Variants in ARHGAP12 observed in about 807,000 individuals in gnomAD.
The protein encoded by ARHGAP12 is Rho GTPase activating protein 12, also known as rho GTPase-activating protein 12.
Under a neutral mutation model 108.6 loss-of-function variants are expected in ARHGAP12, and 64 were observed. The ratio of observed to expected loss-of-function variants is 0.59; its 90% CI spans 0.48 to 0.73. ARHGAP12 has a LOEUF of 0.73. Ranked by LOEUF, ARHGAP12 falls within the 30% of genes least tolerant of loss-of-function variation. The pLI, the probability that ARHGAP12 is intolerant of heterozygous loss-of-function variation, is 0.00. For missense variants in ARHGAP12, 940 were observed against 1,005.9 expected (o/e 0.93, Z 0.89); for synonymous variants, 312 against 337.2 (o/e 0.93, Z 0.82).
At chr10:31,822,775 C>A (rs1463836013) in intron 11 of ARHGAP12, among the ~76,000 whole-genome samples, 11 of 151,938 alleles carry the variant, frequency 7.2e-5, no homozygotes, top group Non-Finnish European at 1.5e-4. Context: ...CCTGCCTTTC[C>A]CTTCCTCTAG....
chr10:31,881,184 A>T (rs1423851373), intron 3 of ARHGAP12, among the ~76,000 whole-genome samples: 1 of 152,084 alleles, frequency 6.6e-6, no homozygotes, highest in African/African-American at 2.4e-5. Flanking sequence ...AACTTACCAC[A>T]TCAGTTTTCC....
chr10:31,906,369 T>G (rs533384704), intron 3 of ARHGAP12, among the ~76,000 whole-genome samples: 1 of 152,182 alleles, frequency 6.6e-6, no homozygotes, highest in Non-Finnish European at 1.5e-5. Context: ...TCAAGAACCG[T>G]GACCCCAATT....
intron 6 of ARHGAP12, among the ~76,000 whole-genome samples, chr10:31,847,536 T>C (rs908838408): frequency 6.6e-6 from 1 of 152,232 alleles, no homozygotes; most frequent in African/African-American, 2.4e-5. Flanking sequence ...GTTGTTTTCA[T>C]GCATAGGCCA....
chr10:31,812,615 T>C, intron 15 of ARHGAP12, 92 bp downstream of exon 15: 1 of 781,048 alleles, frequency 1.3e-6, no homozygotes, highest in Non-Finnish European at 2.1e-6. Context: ...ATAATATTCT[T>C]ACTGTTTGAA....
At chr10:31,835,243 T>C (rs907799698) in intron 9 of ARHGAP12, among the ~76,000 whole-genome samples, 2 of 151,948 alleles carry the variant, frequency 1.3e-5, no homozygotes, top group African/African-American at 4.8e-5. Flanking sequence ...AGATTTTTAT[T>C]TCATACTATT....
intron 3 of ARHGAP12, among the ~76,000 whole-genome samples, chr10:31,872,880 T>TA (rs1837594188): frequency 6.6e-6 from 1 of 152,218 alleles, no homozygotes; most frequent in South Asian, 2.1e-4. Context: ...ATTCTATTAT[T>TA]AATGCATACC....
chr10:31,812,342 G>A (rs1835053913), intron 15 of ARHGAP12, among the ~76,000 whole-genome samples: 1 of 151,906 alleles, frequency 6.6e-6, no homozygotes, highest in South Asian at 2.1e-4. Context: ...AAAATTATTT[G>A]TTCATTTTTC....
chr10:31,849,727 AAGC>A (rs1237391392), intron 6 of ARHGAP12, among the ~76,000 whole-genome samples: 1 of 152,212 alleles, frequency 6.6e-6, no homozygotes. Context: ...ACTTTATGCT[AAGC>A]AGCAAATGGC....
chr10:31,920,082 G>C (rs1033241919), intron 1 of ARHGAP12, among the ~76,000 whole-genome samples: 2 of 151,162 alleles, frequency 1.3e-5, no homozygotes, highest in African/African-American at 4.9e-5. Flanking sequence ...CTCCAGCCTG[G>C]GTGACAGAGC....
rs147064712 is a variant in ARHGAP12, at chr10:31,897,698, T to C, written c.684+10474A>G. Among the ~76,000 whole-genome samples the C allele has an allele frequency of 9.2e-5, 14 of 152,246 alleles. No homozygotes were observed. The East Asian group carries it at 2.5e-3, about 27-fold the overall frequency. On this transcript the variant is annotated intron_variant, in intron 3 of 19. Coordinates refer to ENST00000344936, the MANE Select transcript of ARHGAP12 (RefSeq NM_018287.7). ...ACTTCAGTTCCTATCACCTGATATA[T>C]GGTGTCTGGCTTTCAACCAAAAATT... is the stretch of plus-strand genomic sequence containing the variant.
rs1834903924 is a variant in ARHGAP12 at position 31,808,556 on chromosome 10, G to A, written c.2366+93C>T. 18 of 1,056,198 alleles carry A rather than the reference G, an allele frequency of 1.7e-5. No homozygotes were observed. In the South Asian group the frequency reaches 2.5e-4, roughly 15 times the overall value. 65.4% of individuals were successfully genotyped at this position (1,056,198 alleles called of 1,614,324 possible). On this transcript the variant is annotated intron_variant, in intron 19 of 19. Transcript: ENST00000344936. ...CAAAGACAGCAAGTAGCATAGCTGG[G>A]ATCCAAATCTGAGTCTGAGTGACCC... is the stretch of plus-strand genomic sequence containing the variant.
intron 3 of ARHGAP12, among the ~76,000 whole-genome samples, chr10:31,875,927 C>A (rs576314722): frequency 6.6e-6 from 1 of 152,316 alleles, no homozygotes; most frequent in African/African-American, 2.4e-5. Flanking sequence ...TGGAATTATA[C>A]AGTATTTGTC....
chr10:31,903,169 A>G (rs1186771149), intron 3 of ARHGAP12, among the ~76,000 whole-genome samples: 2 of 152,222 alleles, frequency 1.3e-5, no homozygotes, highest in Non-Finnish European at 2.9e-5. Flanking sequence ...GTTCTTACAC[A>G]AAACGAGATG....
Position 31,855,349 on chromosome 10 carries a change from A to C in ARHGAP12, c.949-1143T>G, listed in dbSNP as rs114575872. Among the ~76,000 whole-genome samples, 1,130 of 152,286 alleles carry C rather than the reference A, an allele frequency of 7.4e-3. 14 individuals carry two copies. The highest frequency in any genetic ancestry group is 0.026 in the African/African-American group (1,086 of 41,558). On this transcript the variant is annotated intron_variant, in intron 4 of 19. Coordinates refer to ENST00000344936, the MANE Select transcript of ARHGAP12 (RefSeq NM_018287.7). ...AAAATCATTTATTAGGTTAGCACTC[A>C]TGTGCAAATGACCCTTCCTATCACC...
intron 3 of ARHGAP12, among the ~76,000 whole-genome samples, chr10:31,893,665 G>C (rs187141641): frequency 4.5e-4 from 69 of 152,236 alleles, no homozygotes; most frequent in African/African-American, 1.4e-3. Flanking sequence ...TCTGCCAGAG[G>C]TACAAGGAGG....
intron 11 of ARHGAP12, among the ~76,000 whole-genome samples, chr10:31,820,947 C>T (rs768021670): frequency 3.3e-5 from 5 of 152,026 alleles, no homozygotes; most frequent in Non-Finnish European, 5.9e-5. Context: ...TGGAATTTAT[C>T]CTAGACTACA....
At position 31,865,451 on chromosome 10, in the gene ARHGAP12, A is replaced by G. The variant is rs540110241; in HGVS notation, c.685-3793T>C. On this transcript the variant is annotated intron_variant, in intron 3 of 19. Coordinates refer to ENST00000344936, the MANE Select transcript of ARHGAP12 (RefSeq NM_018287.7). ...TACAGTTAATGTCAAGATGAAGAAA[A>G]GAATGGAAAGAGAAGGGCAAACAGG... 4.6e-5 allele frequency among the ~76,000 whole-genome samples: 7 copies of G among 152,262 alleles called. No homozygotes were observed. The East Asian group carries it at 1.4e-3, about 29-fold the overall frequency.
chr10:31,926,074 A>G (rs1365822777), intron 1 of ARHGAP12, among the ~76,000 whole-genome samples: 2 of 152,210 alleles, frequency 1.3e-5, no homozygotes, highest in African/African-American at 4.8e-5. Context: ...GGTCTGGCAG[A>G]ACAGCATCCA....
intron 10 of ARHGAP12, among the ~76,000 whole-genome samples, chr10:31,828,254 T>A (rs1592261312): frequency 6.6e-6 from 1 of 151,426 alleles, no homozygotes; most frequent in South Asian, 2.1e-4. Context: ...CATCTTTAGG[T>A]GTTTCTTTTA....
Sources: allele counts gnomAD v4.1 joint callset (sites outside exome capture counted in the v4.1 genomes callset), GRCh38; gene constraint gnomAD v4.1.1; transcripts MANE v1.5; gene names NCBI Gene and HGNC (gene_info 2026-07-23, HGNC 2026-07-21).